The following TACC2 variants were observed in gnomAD, a reference collection of about 807,000 sequenced individuals.
TACC2 encodes transforming acidic coiled-coil containing protein 2.
A neutral mutation model predicts 227.3 loss-of-function variants in TACC2; 137 were observed. The observed-to-expected ratio is 0.60, with a 90% confidence interval of 0.52 to 0.69. The LOEUF (loss-of-function observed/expected upper bound fraction) is 0.69, where lower values mean the gene tolerates loss of function less well. Among genes scored for constraint, TACC2 ranks in the 30% least tolerant of loss-of-function variants. The probability of loss-of-function intolerance (pLI) is 0.00; values close to 1 mark genes in which losing one functional copy is unlikely to be tolerated. For missense variants in TACC2, 3,470 were observed against 3,694.4 expected (o/e 0.94, Z 1.57); for synonymous variants, 1,523 against 1,487.5 (o/e 1.02, Z -0.55).
At chr10:122,246,218 G>A (rs887782666) in intron 19 of TACC2, among the ~76,000 whole-genome samples, 6 of 152,138 alleles carry the variant, frequency 3.9e-5, no homozygotes, top group African/African-American at 9.7e-5. Context: ...AGCAGCCTGC[G>A]TGTGAACAAG....
At chr10:122,047,617 T>G (rs1400310435) in intron 2 of TACC2, among the ~76,000 whole-genome samples, 1 of 152,226 alleles carries the variant, frequency 6.6e-6, no homozygotes, top group East Asian at 1.9e-4. Context: ...GGCTCTGGGA[T>G]CAGAGATAAT....
chr10:122,063,702 CTCT>C (rs1448029698), intron 3 of TACC2, among the ~76,000 whole-genome samples: 5 of 152,058 alleles, frequency 3.3e-5, no homozygotes, highest in South Asian at 2.1e-4. Flanking sequence ...TTTCCTCACA[CTCT>C]TCTTTTTTCT....
chr10:122,044,295 T>G (rs2074710659), intron 2 of TACC2, among the ~76,000 whole-genome samples: 1 of 152,252 alleles, frequency 6.6e-6, no homozygotes, highest in African/African-American at 2.4e-5. Context: ...GCAACCTGTA[T>G]TCGTCAATCT....
At chr10:122,065,626 G>A (rs1353307789) in intron 3 of TACC2, among the ~76,000 whole-genome samples, 1 of 152,252 alleles carries the variant, frequency 6.6e-6, no homozygotes, top group East Asian at 1.9e-4. Context: ...ATTAAGTCAA[G>A]TTGGTCATAG....
intron 5 of TACC2, among the ~76,000 whole-genome samples, chr10:122,118,061 T>C (rs2085043878): frequency 6.6e-6 from 1 of 151,290 alleles, no homozygotes; most frequent in Admixed American, 6.6e-5. Context: ...TTGTCCGGGC[T>C]GGAGTGCAGT....
chr10:122,228,347 G>A (rs1307553053), intron 14 of TACC2, among the ~76,000 whole-genome samples: 1 of 152,202 alleles, frequency 6.6e-6, no homozygotes, highest in Non-Finnish European at 1.5e-5. Flanking sequence ...ATGGCAGAGG[G>A]CAAGGGACCC....
At chr10:122,026,511 A>G (rs1345125291) in intron 2 of TACC2, among the ~76,000 whole-genome samples, 7 of 151,838 alleles carry the variant, frequency 4.6e-5, no homozygotes, top group Admixed American at 6.6e-5. Flanking sequence ...TTCATTTTGA[A>G]TTAATTTTTG....
chr10:122,169,191 G>A (rs1304051509), intron 7 of TACC2, among the ~76,000 whole-genome samples: 1 of 152,172 alleles, frequency 6.6e-6, no homozygotes, highest in Non-Finnish European at 1.5e-5. Flanking sequence ...CTGTTTAAAC[G>A]CCATTGCCAA....
At chr10:122,039,281 C>G (rs2073962514) in intron 2 of TACC2, among the ~76,000 whole-genome samples, 1 of 152,138 alleles carries the variant, frequency 6.6e-6, no homozygotes, top group Non-Finnish European at 1.5e-5. Context: ...GGCCTCCTGA[C>G]TCTATTTTGA....
chr10:122,229,442 G>A lies in TACC2; in HGVS notation c.7993G>A (p.Asp2665Asn), dbSNP rs763792326. 3.7e-6 allele frequency: 6 copies of A among 1,613,804 alleles called. No individual in the cohort carries two copies. The highest frequency in any genetic ancestry group is 1.3e-5 in the African/African-American group (1 of 74,838). ...TGGTGCACTTGACTATCTGGAGCCCGACTTAGCAGAAAAGAACCCCCCACT... is the reference window on the plus strand; with the variant it reads ...TGGTGCACTTGACTATCTGGAGCCCAACTTAGCAGAAAAGAACCCCCCACT... ...LCGALDYLEP[D>N]LAEKNPPLFA... Residue 2665 changes from aspartate to asparagine, a missense_variant, in exon 15 of 23, where the codon GAC becomes AAC. Asp to Asn is a conservative substitution (Grantham distance 23). Around this residue, in one of 10 missense-constraint regions of TACC2, gnomAD observed 345 missense variants for 354.4 expected, o/e 0.97. Transcript: ENST00000369005.
chr10:122,085,176 A>T lies in TACC2; in HGVS notation c.2676A>T (p.Gly892=), dbSNP rs371747734. 6.2e-7 allele frequency: 1 copy of T among 1,613,990 alleles called. No homozygotes were observed. The highest frequency in any genetic ancestry group is 8.5e-7 in the Non-Finnish European group (1 of 1,180,044). The part of the protein sequence containing the change: ...QEDNNLPTHG[G]QEQALGSELQ... ...ATAACAACTTGCCCACTCATGGAGG[A>T]CAGGAGCAGGCTTTGGGATCAGAAC... The change falls in exon 4 of 23, where the codon GGA becomes GGT. Residue 892 remains glycine, a synonymous_variant. Coordinates refer to ENST00000369005, the MANE Select transcript of TACC2 (RefSeq NM_206862.4).
At chr10:122,099,947 C>G (rs1249955286) in intron 5 of TACC2, among the ~76,000 whole-genome samples, 3 of 152,154 alleles carry the variant, frequency 2.0e-5, no homozygotes, top group Non-Finnish European at 2.9e-5. Flanking sequence ...AATTGCCTCT[C>G]CTGGGGTGAC....
chr10:122,011,820 T>C (rs775245001), intron 1 of TACC2, among the ~76,000 whole-genome samples: 1 of 152,196 alleles, frequency 6.6e-6, no homozygotes, highest in Non-Finnish European at 1.5e-5. Flanking sequence ...CAAATATTTA[T>C]TGGATTCCAG....
intron 2 of TACC2, among the ~76,000 whole-genome samples, chr10:122,026,897 G>A (rs901603188): frequency 6.6e-6 from 1 of 152,120 alleles, no homozygotes; most frequent in Non-Finnish European, 1.5e-5. Context: ...CCAAGTTTTG[G>A]TGATTATAAA....
At chr10:122,051,403 G>A (rs941857568) in intron 3 of TACC2, 2 of 152,214 alleles carry the variant, frequency 1.3e-5, no homozygotes, top group African/African-American at 4.8e-5. Context: ...TCCCTGCCGG[G>A]GCTCTCTCCT....
At chr10:122,231,980 C>A (rs1383377368) in intron 16 of TACC2, among the ~76,000 whole-genome samples, 1 of 152,184 alleles carries the variant, frequency 6.6e-6, no homozygotes, top group Non-Finnish European at 1.5e-5. Context: ...CCCTGAGGGC[C>A]CCGCAGTGAG....
chr10:122,128,691 T>C (rs2087369088), intron 5 of TACC2, among the ~76,000 whole-genome samples: 1 of 152,226 alleles, frequency 6.6e-6, no homozygotes, highest in African/African-American at 2.4e-5. Context: ...AAATAACTTC[T>C]TACATATGGT....
In TACC2 at chr10:122,230,340, C is replaced by T; in HGVS notation, c.8038-11C>T. On this transcript the variant is annotated splice_polypyrimidine_tract_variant and intron_variant, in intron 15 of 22. Transcript: ENST00000369005. Reference sequence around the variant, plus strand: ...ATTTCCCTGCGGTTTGCCCACACTCCCTGTGGGCAGGAGGAGTTAGAGTTT... The same window carrying T: ...ATTTCCCTGCGGTTTGCCCACACTCTCTGTGGGCAGGAGGAGTTAGAGTTT... The T allele has an allele frequency of 6.2e-7, 1 of 1,607,428 alleles. No homozygotes were observed. Among genetic ancestry groups the T allele is most frequent in the Non-Finnish European group, 8.5e-7 (1 of 1,173,874 alleles).
At chr10:122,075,451 G>A (rs556196955) in intron 3 of TACC2, among the ~76,000 whole-genome samples, 31 of 152,274 alleles carry the variant, frequency 2.0e-4, no homozygotes, top group African/African-American at 5.8e-4. Flanking sequence ...CCCCACCCAT[G>A]GGGAAACTGG....
Sources: allele counts gnomAD v4.1 joint callset (sites outside exome capture counted in the v4.1 genomes callset), GRCh38; gene constraint gnomAD v4.1.1; regional missense constraint gnomAD v4.1.1; transcripts MANE v1.5; gene names NCBI Gene and HGNC (gene_info 2026-07-23, HGNC 2026-07-21).